The following UNC13C variants were observed in gnomAD, a reference collection of about 807,000 sequenced individuals.
UNC13C encodes unc-13 homolog C.
In UNC13C, 174 loss-of-function variants were observed where a neutral mutation model predicts 245.4. The ratio of observed to expected loss-of-function variants is 0.71; its 90% CI spans 0.63 to 0.80. The LOEUF (loss-of-function observed/expected upper bound fraction) is 0.80, where lower values mean the gene tolerates loss of function less well. Ranked by LOEUF, UNC13C falls within the 30% of genes least tolerant of loss-of-function variation. UNC13C has a pLI of 0.00. For synonymous variants in UNC13C, 992 were observed against 895.1 expected (o/e 1.11, Z -1.93); for missense variants, 2,829 against 2,602.9 (o/e 1.09, Z -1.89).
At chr15:54,235,792 G>A (rs973222017) in intron 5 of UNC13C, among the ~76,000 whole-genome samples, 4 of 152,036 alleles carry the variant, frequency 2.6e-5, no homozygotes, top group South Asian at 2.1e-4. Flanking sequence ...CGGAGCTTGC[G>A]TGAGCCGAGA....
chr15:54,226,618 C>A (rs2035391803), intron 4 of UNC13C, among the ~76,000 whole-genome samples: 1 of 152,316 alleles, frequency 6.6e-6, no homozygotes, highest in East Asian at 1.9e-4. Flanking sequence ...CAGCCAAGGA[C>A]AAGCCAGGTG....
Position 54,014,110 on chromosome 15 carries a change from G to A in UNC13C, c.1207G>A (p.Gly403Arg), listed in dbSNP as rs144045439. 1.2e-6 allele frequency: 2 copies of A among 1,613,630 alleles called. No homozygotes were observed. The highest frequency in any genetic ancestry group is 2.2e-5 in the East Asian group (1 of 44,858). The change falls in exon 2 of 33, where the codon GGA becomes AGA. Residue 403 changes from glycine (G) to arginine (R), a missense_variant. Physicochemically the swap from Gly to Arg is moderately radical, Grantham distance 125. Coordinates refer to ENST00000260323, the MANE Select transcript of UNC13C (RefSeq NM_001080534.3). ...KSYKLKGTGI[G>R]ISTDILTHDI... ...ATATAAACTCAAAGGAACAGGCATT[G>A]GAATCTCAACAGATATTCTAACTCA...
At chr15:54,530,163 T>C (rs1441037044) in intron 25 of UNC13C, among the ~76,000 whole-genome samples, 2 of 152,208 alleles carry the variant, frequency 1.3e-5, no homozygotes, top group African/African-American at 2.4e-5. Context: ...TATTGAGCTA[T>C]AATTACCATG....
At chr15:54,316,449 C>G (rs1018072013) in intron 13 of UNC13C, among the ~76,000 whole-genome samples, 5 of 151,886 alleles carry the variant, frequency 3.3e-5, no homozygotes, top group Non-Finnish European at 7.4e-5. Context: ...GTTAGCCCAG[C>G]CTCATCTCAA....
the UNC13C span, among the ~76,000 whole-genome samples, chr15:53,905,178 CA>C: frequency 1.3e-5 from 2 of 151,972 alleles, no homozygotes; most frequent in African/African-American, 2.4e-5. Flanking sequence ...GCAGAACTAC[CA>C]TATGATCCAG....
the UNC13C span, among the ~76,000 whole-genome samples, chr15:53,891,610 A>G: frequency 6.6e-5 from 10 of 152,238 alleles, no homozygotes; most frequent in Middle Eastern, 3.4e-3. Flanking sequence ...TTACCATTAT[A>G]TAATGTCCTT....
chr15:54,430,010 AG>A (rs2040840523), intron 19 of UNC13C, among the ~76,000 whole-genome samples: 1 of 151,640 alleles, frequency 6.6e-6, no homozygotes, highest in Non-Finnish European at 1.5e-5. Context: ...TGCCAATTTG[AG>A]GGTGGGAACA....
At chr15:54,061,153 TAAA>T (rs1897814042) in intron 2 of UNC13C, among the ~76,000 whole-genome samples, 1 of 148,618 alleles carries the variant, frequency 6.7e-6, no homozygotes, top group Non-Finnish European at 1.5e-5. Flanking sequence ...ATTTAAAAAA[TAAA>T]AAAGACAAAA....
At chr15:54,066,333 A>G (rs1478258183) in intron 2 of UNC13C, among the ~76,000 whole-genome samples, 1 of 152,214 alleles carries the variant, frequency 6.6e-6, no homozygotes, top group Non-Finnish European at 1.5e-5. Flanking sequence ...TCTGATGAGT[A>G]ATTTCTCTGG....
chr15:54,630,194 G>GCAAA (rs1383617812), downstream of UNC13C: 2 of 152,104 alleles, frequency 1.3e-5, no homozygotes, highest in African/African-American at 2.4e-5. Flanking sequence ...ATCAAATTTA[G>GCAAA]CAAACACAAA....
intron 4 of UNC13C, among the ~76,000 whole-genome samples, chr15:54,223,193 C>A (rs117851099): frequency 6.6e-6 from 1 of 151,844 alleles, no homozygotes; most frequent in Non-Finnish European, 1.5e-5. Context: ...TGAGAGTTTC[C>A]CACATTTTCT....
At chr15:54,114,221 G>A (rs575556833) in intron 2 of UNC13C, among the ~76,000 whole-genome samples, 1 of 152,268 alleles carries the variant, frequency 6.6e-6, no homozygotes, top group Non-Finnish European at 1.5e-5. Context: ...CCAATAGCCT[G>A]CCACTGGAAT....
At chr15:54,530,718 G>A (rs1895697589) in intron 25 of UNC13C, among the ~76,000 whole-genome samples, 2 of 152,054 alleles carry the variant, frequency 1.3e-5, no homozygotes, top group African/African-American at 2.4e-5. Context: ...ATGGCAGAGG[G>A]AATATAACAG....
chr15:54,391,007 C>A (rs952461979), intron 17 of UNC13C, among the ~76,000 whole-genome samples: 3 of 152,072 alleles, frequency 2.0e-5, no homozygotes, highest in African/African-American at 7.2e-5. Flanking sequence ...CATCAGTAAT[C>A]TTCTGGTGTC....
intron 26 of UNC13C, among the ~76,000 whole-genome samples, chr15:54,538,132 G>GA (rs1255206715): frequency 4.4e-4 from 1 of 2,248 alleles, no homozygotes; most frequent in African/African-American, 1.6e-3. Flanking sequence ...ACATTAACAA[G>GA]CAAAAAAAAA....
At chr15:54,579,585 G>A (rs12438101) in intron 30 of UNC13C, among the ~76,000 whole-genome samples, 62,519 of 151,542 alleles carry the variant, frequency 0.41, 13,429 homozygotes, top group East Asian at 0.58. Context: ...GTGAAACCTC[G>A]TCTCTACTAA....
At chr15:53,965,720 C>G in the UNC13C span, among the ~76,000 whole-genome samples, 1 of 151,998 alleles carries the variant, frequency 6.6e-6, no homozygotes, top group African/African-American at 2.4e-5. Context: ...TCCCCACTCC[C>G]CCTACCCCAC....
At chr15:54,357,833 A>G (rs544284207) in intron 17 of UNC13C, among the ~76,000 whole-genome samples, 63 of 152,056 alleles carry the variant, frequency 4.1e-4, no homozygotes, top group Non-Finnish European at 6.3e-4. Flanking sequence ...CATATATATG[A>G]GAAAAAACAC....
the UNC13C span, among the ~76,000 whole-genome samples, chr15:53,896,963 C>A: frequency 6.6e-6 from 1 of 152,094 alleles, no homozygotes; most frequent in Non-Finnish European, 1.5e-5. Flanking sequence ...ATTTGGGAAG[C>A]CAACATAGTT....
Sources: allele counts gnomAD v4.1 joint callset (sites outside exome capture counted in the v4.1 genomes callset), GRCh38; gene constraint gnomAD v4.1.1; transcripts MANE v1.5; gene names NCBI Gene and HGNC (gene_info 2026-07-23, HGNC 2026-07-21).